Variants in PCLO observed in about 807,000 individuals in gnomAD.
PCLO encodes piccolo presynaptic cytomatrix protein, also known as protein piccolo.
A neutral mutation model predicts 427.5 loss-of-function variants in PCLO; 82 were observed. The ratio of observed to expected loss-of-function variants is 0.19; its 90% CI spans 0.16 to 0.23. PCLO has a LOEUF of 0.23. Among genes scored for constraint, PCLO ranks in the 10% least tolerant of loss-of-function variants. The pLI is 1.00. For missense variants in PCLO, 6,239 were observed against 6,115.9 expected (o/e 1.02, Z -0.67); for synonymous variants, 2,357 against 2,155.4 (o/e 1.09, Z -2.59).
chr7:82,922,757 AC>A lies in PCLO; in HGVS notation c.11113-5885del, dbSNP rs1794627355. Among the ~76,000 whole-genome samples, 5 of 152,144 alleles carry A rather than the reference AC, an allele frequency of 3.3e-5. No individual in the cohort carries two copies. The South Asian group carries it at 8.3e-4, about 25-fold the overall frequency. ...AAAATAGAAGTTGGAAAGAAAAAAAACGAACTACCTCATCTTTTGCTAAATA... is the reference window on the plus strand; with the variant it reads ...AAAATAGAAGTTGGAAAGAAAAAAAAGAACTACCTCATCTTTTGCTAAATA... On this transcript the variant is annotated intron_variant, in intron 6 of 24. Transcript: ENST00000333891.
chr7:82,774,681 C>A (rs1408475117), intron 22 of PCLO, among the ~76,000 whole-genome samples: 3 of 152,158 alleles, frequency 2.0e-5, no homozygotes, highest in African/African-American at 7.2e-5. Flanking sequence ...TAGCCTCTCC[C>A]ATTATAAACA....
chr7:82,995,468 GA>G (rs773417176), intron 3 of PCLO, among the ~76,000 whole-genome samples: 11 of 151,998 alleles, frequency 7.2e-5, no homozygotes, highest in Admixed American at 5.3e-4. Flanking sequence ...GAAAGTGCTG[GA>G]TTGTGGTTTG....
At chr7:82,767,291 A>G (rs1790552096) in intron 22 of PCLO, among the ~76,000 whole-genome samples, 1 of 152,316 alleles carries the variant, frequency 6.6e-6, no homozygotes, top group African/African-American at 2.4e-5. Context: ...TCGTATTAAA[A>G]GAATAAAAAT....
chr7:83,084,983 A>T (rs1253286998), intron 3 of PCLO, among the ~76,000 whole-genome samples: 1 of 152,158 alleles, frequency 6.6e-6, no homozygotes, highest in African/African-American at 2.4e-5. Flanking sequence ...TAATTTCTTT[A>T]TAATATACAT....
chr7:82,779,816 T>C (rs1790834812), intron 22 of PCLO, among the ~76,000 whole-genome samples: 2 of 151,606 alleles, frequency 1.3e-5, no homozygotes, highest in Non-Finnish European at 2.9e-5. Context: ...ATTTTTATTA[T>C]TCGTTTTCAT....
Position 83,067,712 on chromosome 7 carries a change from G to T in PCLO, c.3300+66538C>A, listed in dbSNP as rs189162965. 2.0e-5 allele frequency among the ~76,000 whole-genome samples: 3 copies of T among 152,262 alleles called. No homozygotes were observed. In the East Asian group the frequency reaches 5.8e-4, roughly 29 times the overall value. On this transcript the variant is annotated intron_variant, in intron 3 of 24. Transcript: ENST00000333891. ...ATCCATATCTTTCCTTGTTTAACAT[G>T]ACTTGTTTTGTTATATTTTCATTTC... is the stretch of plus-strand genomic sequence containing the variant.
At chr7:82,853,531 A>AT (rs989878162) in intron 10 of PCLO, among the ~76,000 whole-genome samples, 17 of 152,104 alleles carry the variant, frequency 1.1e-4, no homozygotes, top group Non-Finnish European at 2.2e-4. Context: ...AAAAACTATA[A>AT]TTTTTTTAAA....
At chr7:83,024,765 G>T (rs1269986097) in intron 3 of PCLO, among the ~76,000 whole-genome samples, 1 of 152,152 alleles carries the variant, frequency 6.6e-6, no homozygotes, top group Non-Finnish European at 1.5e-5. Flanking sequence ...ATCTGAGAAC[G>T]GGCAGACTGC....
intron 8 of PCLO, among the ~76,000 whole-genome samples, chr7:82,905,779 A>G (rs1298589207): frequency 6.6e-6 from 1 of 151,972 alleles, no homozygotes; most frequent in African/African-American, 2.4e-5. Flanking sequence ...ATGTACCTCA[A>G]TGCAGCAGTT....
intron 3 of PCLO, among the ~76,000 whole-genome samples, chr7:83,043,578 T>G (rs1196477278): frequency 6.6e-6 from 1 of 152,190 alleles, no homozygotes; most frequent in African/African-American, 2.4e-5. Flanking sequence ...CTTACATAAG[T>G]GTGGAAGTGG....
At chr7:83,002,553 A>C (rs1030300130) in intron 3 of PCLO, among the ~76,000 whole-genome samples, 1 of 151,932 alleles carries the variant, frequency 6.6e-6, no homozygotes, top group Non-Finnish European at 1.5e-5. Flanking sequence ...TCAATTTTTA[A>C]ATGAGAATTC....
intron 18 of PCLO, 100 bp downstream of exon 18, chr7:82,826,489 G>C (rs1791946712): frequency 1.5e-6 from 1 of 678,370 alleles, no homozygotes; most frequent in Non-Finnish European, 2.4e-6. Context: ...ATTTTTTTCA[G>C]AAACGGCTAT....
At position 82,863,146 on chromosome 7, in the gene PCLO, A is replaced by G. The variant is rs527864469; in HGVS notation, c.13655-15899T>C. ...TATATACCTACTATTTATCCAAAAA[A>G]TTAAAAATTAAAAAGTTATACTTTG... On this transcript the variant is annotated intron_variant, in intron 10 of 24. Transcript: ENST00000333891. Among the ~76,000 whole-genome samples the G allele has an allele frequency of 4.6e-5, 7 of 152,140 alleles. No individual in the cohort carries two copies. The South Asian group carries it at 1.5e-3, about 32-fold the overall frequency.
rs935090724 is a variant in PCLO at position 82,756,876 on chromosome 7, T to C, written c.*1699A>G. 4 of 152,080 alleles carry C rather than the reference T, an allele frequency of 2.6e-5. No homozygotes were observed. The highest frequency in any genetic ancestry group is 2.6e-4 in the Admixed American group (4 of 15,242). The allele number at this position is 152,080 out of a possible 1,614,324, so 9.4% of individuals were successfully genotyped here. On this transcript the variant is annotated 3_prime_UTR_variant, in exon 25 of 25. Coordinates refer to ENST00000333891, the MANE Select transcript of PCLO (RefSeq NM_033026.6). ...GTCAGGTTAAAGTTTATATTTTAAA[T>C]AAAAAATAAGTTTTGTGGCTAATTT...
chr7:82,854,202 T>C (rs1472713725), intron 10 of PCLO, among the ~76,000 whole-genome samples: 1 of 152,102 alleles, frequency 6.6e-6, no homozygotes, highest in African/African-American at 2.4e-5. Flanking sequence ...GTGTCCCCCT[T>C]ACTGAGTTTC....
chr7:82,827,763 T>C (rs1791981940), intron 17 of PCLO, 110 bp downstream of exon 17: 1 of 584,270 alleles, frequency 1.7e-6, no homozygotes, highest in Non-Finnish European at 2.9e-6. Context: ...TTTACTCAAC[T>C]TTTTTTGTTT....
chr7:83,126,272 C>G (rs562888930), intron 3 of PCLO, among the ~76,000 whole-genome samples: 1 of 152,088 alleles, frequency 6.6e-6, no homozygotes, highest in African/African-American at 2.4e-5. Context: ...TTAATGAGTA[C>G]AAAAATACAG....
At chr7:83,006,048 T>A (rs1583898676) in intron 3 of PCLO, among the ~76,000 whole-genome samples, 1 of 151,652 alleles carries the variant, frequency 6.6e-6, no homozygotes, top group Non-Finnish European at 1.5e-5. Flanking sequence ...ACACTTGATT[T>A]TAACTGTACG....
At chr7:82,918,311 TC>T (rs1357429193) in intron 6 of PCLO, among the ~76,000 whole-genome samples, 1 of 151,978 alleles carries the variant, frequency 6.6e-6, no homozygotes, top group Non-Finnish European at 1.5e-5. Context: ...GTTATAAAAA[TC>T]AAGTGAGACA....
Sources: allele counts gnomAD v4.1 joint callset (sites outside exome capture counted in the v4.1 genomes callset), GRCh38; gene constraint gnomAD v4.1.1; transcripts MANE v1.5; gene names NCBI Gene and HGNC (gene_info 2026-07-23, HGNC 2026-07-21).